Variants in SYNE2 observed in about 807,000 individuals in gnomAD.
The protein encoded by SYNE2 is spectrin repeat containing nuclear envelope protein 2, also known as nesprin-2.
A neutral mutation model predicts 856.3 loss-of-function variants in SYNE2; 431 were observed. That is an observed-to-expected ratio of 0.50 (90% CI 0.47 to 0.55). The LOEUF (loss-of-function observed/expected upper bound fraction) is 0.55. Among genes scored for constraint, SYNE2 ranks in the 20% least tolerant of loss-of-function variants. SYNE2 has a pLI of 0.00. For synonymous variants in SYNE2, 2,923 were observed against 2,872.3 expected, an observed-to-expected ratio of 1.02 and a Z score of -0.56; for missense variants, 8,129 against 8,023.2, an observed-to-expected ratio of 1.01 and a Z score of -0.50.
chr14:63,991,034 G>A lies in SYNE2; in HGVS notation c.2565G>A (p.Lys855=). Residue 855 remains lysine, a synonymous_variant, in exon 21 of 116, where the codon AAG becomes AAA. Transcript: ENST00000555002. ...GGCTGAAGATGGAAGAATCCCAGAA[G>A]GAACTTGAATCATATATGATGAGGG... is the stretch of plus-strand genomic sequence containing the variant. The part of the protein sequence containing the change: ...DIRLKMEESQ[K]ELESYMMRAQ... The A allele has an allele frequency of 6.2e-7, 1 of 1,614,164 alleles. No individual in the cohort carries two copies. The highest frequency in any genetic ancestry group is 8.5e-7 in the Non-Finnish European group (1 of 1,180,006).
chr14:64,009,274 A>G (rs1372999536), intron 31 of SYNE2, among the ~76,000 whole-genome samples: 2 of 152,090 alleles, frequency 1.3e-5, no homozygotes, highest in African/African-American at 4.8e-5. Context: ...GCTCACACCT[A>G]TATATAATCC....
chr14:63,787,917 C>T (rs1887597899), intron 1 of SYNE2, among the ~76,000 whole-genome samples: 1 of 152,190 alleles, frequency 6.6e-6, no homozygotes, highest in Non-Finnish European at 1.5e-5. Context: ...ACTGTGCCAC[C>T]AGCATCCATG....
intron 11 of SYNE2, among the ~76,000 whole-genome samples, chr14:63,975,089 T>A (rs980081763): frequency 6.6e-6 from 1 of 151,268 alleles, no homozygotes; most frequent in African/African-American, 2.4e-5. Flanking sequence ...GCTGTGGCTT[T>A]TATTTATCTG....
intron 1 of SYNE2, among the ~76,000 whole-genome samples, chr14:63,777,288 T>G (rs1034960418): frequency 1.6e-4 from 25 of 152,354 alleles, no homozygotes; most frequent in African/African-American, 6.0e-4. Flanking sequence ...GGAAACCATC[T>G]TTTCTATTCC....
At chr14:63,890,512 A>G (rs927412040) in intron 1 of SYNE2, among the ~76,000 whole-genome samples, 1 of 152,052 alleles carries the variant, frequency 6.6e-6, no homozygotes, top group African/African-American at 2.4e-5. Context: ...GATTTCTATG[A>G]CCCACCTTGA....
At chr14:64,062,136 A>C (rs1447428517) in intron 49 of SYNE2, among the ~76,000 whole-genome samples, 1 of 152,118 alleles carries the variant, frequency 6.6e-6, no homozygotes, top group African/African-American at 2.4e-5. Flanking sequence ...CTTTATTTTA[A>C]AATTTTATAA....
At chr14:63,882,931 G>A (rs2094898533) in intron 1 of SYNE2, among the ~76,000 whole-genome samples, 1 of 149,784 alleles carries the variant, frequency 6.7e-6, no homozygotes, top group Non-Finnish European at 1.5e-5. Flanking sequence ...TGTCAGAGAA[G>A]TTTTATGAGG....
chr14:63,842,215 C>T (rs1278844436), intron 1 of SYNE2, among the ~76,000 whole-genome samples: 1 of 151,822 alleles, frequency 6.6e-6, no homozygotes, highest in African/African-American at 2.4e-5. Flanking sequence ...CTCTGTCACC[C>T]AGGCCGAGTG....
intron 100 of SYNE2, among the ~76,000 whole-genome samples, chr14:64,207,496 G>A (rs973175353): frequency 6.6e-6 from 1 of 151,084 alleles, no homozygotes; most frequent in Middle Eastern, 3.4e-3. Flanking sequence ...GGAGGTAGAG[G>A]TTTCCGTGAG....
intron 1 of SYNE2, among the ~76,000 whole-genome samples, chr14:63,880,068 GTTTTA>G (rs749857942): frequency 2.0e-4 from 30 of 152,020 alleles, no homozygotes; most frequent in Non-Finnish European, 2.9e-4. Flanking sequence ...ACATTAAGTG[GTTTTA>G]TTTTATTTTA....
upstream of SYNE2, among the ~76,000 whole-genome samples, chr14:63,852,547 T>C (rs1411411815): frequency 6.6e-6 from 1 of 152,130 alleles, no homozygotes; most frequent in Non-Finnish European, 1.5e-5. Flanking sequence ...ATCCAGATTT[T>C]AAAGGCCTTC....
At chr14:63,834,799 C>T (rs1382847341) in intron 1 of SYNE2, among the ~76,000 whole-genome samples, 1 of 151,754 alleles carries the variant, frequency 6.6e-6, no homozygotes, top group Non-Finnish European at 1.5e-5. Flanking sequence ...CGTCATCACA[C>T]CCAGCTAATT....
chr14:63,952,488 C>G (rs754652163), intron 7 of SYNE2, among the ~76,000 whole-genome samples: 24 of 152,216 alleles, frequency 1.6e-4, no homozygotes, highest in Non-Finnish European at 2.2e-4. Flanking sequence ...TTGCACCCAC[C>G]TAATGGTTTA....
chr14:64,058,812 A>G (rs1289743636), intron 49 of SYNE2, among the ~76,000 whole-genome samples: 2 of 151,872 alleles, frequency 1.3e-5, no homozygotes. Flanking sequence ...TTTTGAGGCT[A>G]TTTTCTAGAT....
intron 94 of SYNE2, among the ~76,000 whole-genome samples, chr14:64,172,770 A>G (rs558043317): frequency 6.6e-6 from 1 of 152,106 alleles, no homozygotes; most frequent in Admixed American, 6.6e-5. Flanking sequence ...TGTCTCTACA[A>G]AAAAATTCAA....
chr14:64,063,723 A>G (rs1460875365), intron 50 of SYNE2, among the ~76,000 whole-genome samples: 1 of 152,242 alleles, frequency 6.6e-6, no homozygotes, highest in African/African-American at 2.4e-5. Context: ...AAAGCGAACC[A>G]AGAAAAACCT....
rs1842820901 is a variant in SYNE2, at chr14:64,146,226, G to A, written c.15639+3G>A. Reference sequence around the variant, plus strand: ...AGAAGCTGCTCCTGGACTGTCAGGTGAGGAGGGGAACAGCATCCCACCCAA... The same window carrying A: ...AGAAGCTGCTCCTGGACTGTCAGGTAAGGAGGGGAACAGCATCCCACCCAA... On this transcript the variant is annotated splice_donor_region_variant and intron_variant, in intron 84 of 115. Transcript: ENST00000555002. The A allele has an allele frequency of 6.2e-7, 1 of 1,606,276 alleles. No homozygotes were observed. Among genetic ancestry groups the A allele is most frequent in the Non-Finnish European group, 8.5e-7 (1 of 1,176,682 alleles).
Position 64,056,099 on chromosome 14 carries a change from A to G in SYNE2, c.9900A>G (p.Gln3300=), listed in dbSNP as rs2097266624. The change falls in exon 49 of 116, where the codon CAA becomes CAG. Residue 3300 remains glutamine (Q), a synonymous_variant. Transcript: ENST00000555002. ...EESLEMPLRK[Q]EELESTVAHI... ...CTTTAGAGATGCCTCTTCGAAAACA[A>G]GAGGAATTGGAATCCACAGTAGCAC... 2 of 1,614,204 alleles carry G rather than the reference A, an allele frequency of 1.2e-6. No homozygotes were observed. Among genetic ancestry groups the G allele is most frequent in the South Asian group, 1.1e-5 (1 of 91,080 alleles).
chr14:64,101,409 G>A (rs185550553), intron 63 of SYNE2, among the ~76,000 whole-genome samples: 17 of 152,260 alleles, frequency 1.1e-4, no homozygotes, highest in Non-Finnish European at 2.1e-4. Flanking sequence ...ACTCGTGGCT[G>A]TAATTTTAAA....
Sources: allele counts gnomAD v4.1 joint callset (sites outside exome capture counted in the v4.1 genomes callset), GRCh38; gene constraint gnomAD v4.1.1; transcripts MANE v1.5; gene names NCBI Gene and HGNC (gene_info 2026-07-23, HGNC 2026-07-21).